UNC13C: variants seen among roughly 807,000 people sequenced by gnomAD.
UNC13C encodes the protein unc-13 homolog C.
In UNC13C, 174 loss-of-function variants were observed where a neutral mutation model predicts 245.4. That is an observed-to-expected ratio of 0.71 (90% CI 0.63 to 0.80). UNC13C has a LOEUF of 0.80. Ranked by LOEUF, UNC13C falls within the 30% of genes least tolerant of loss-of-function variation. The pLI, the probability that UNC13C is intolerant of heterozygous loss-of-function variation, is 0.00. For synonymous variants in UNC13C, 992 were observed against 895.1 expected (o/e 1.11, Z -1.93); for missense variants, 2,829 against 2,602.9 (o/e 1.09, Z -1.89).
chr15:54,264,170 G>T lies in UNC13C; in HGVS notation c.3451G>T (p.Ala1151Ser). ...CACCATTGATGTTTCCATCATAGGA[G>T]CAGCAGAAAAGAGTTCTAAACATGG... is the stretch of plus-strand genomic sequence containing the variant. ...DLLNADCLQR[A>S]AEKSSKHGAE... The change falls in exon 9 of 33, where the codon GCA (alanine) becomes TCA (serine). Residue 1151 changes from alanine (A) to serine (S), a missense_variant and splice_region_variant. Ala to Ser is a moderately conservative substitution (Grantham distance 99). Coordinates refer to ENST00000260323, the MANE Select transcript of UNC13C (RefSeq NM_001080534.3). 1 of 1,570,736 alleles carries T rather than the reference G, an allele frequency of 6.4e-7. No homozygotes were observed. The highest frequency in any genetic ancestry group is 1.9e-5 in the Admixed American group (1 of 53,368).
chr15:54,250,286 C>T lies in UNC13C; in HGVS notation c.3290C>T (p.Pro1097Leu). The change falls in exon 8 of 33, where the codon CCA becomes CTA. Residue 1097 changes from proline to leucine, a missense_variant. Coordinates refer to ENST00000260323, the MANE Select transcript of UNC13C (RefSeq NM_001080534.3). ...ATCTACCCTATGTCTTCTACCATCC[C>T]ACACAATTTTGAGGTCTGGACGGCT... ...ALIYPMSSTI[P>L]HNFEVWTATT... 1 of 1,613,928 alleles carries T rather than the reference C, an allele frequency of 6.2e-7. No homozygotes were observed.
chr15:54,041,667 C>T (rs1420432217), intron 2 of UNC13C, among the ~76,000 whole-genome samples: 2 of 152,172 alleles, frequency 1.3e-5, no homozygotes, highest in African/African-American at 4.8e-5. Context: ...GGCCAAGTTG[C>T]TTATCTTTTC....
At chr15:54,100,275 T>G (rs1448426892) in intron 2 of UNC13C, among the ~76,000 whole-genome samples, 2 of 152,150 alleles carry the variant, frequency 1.3e-5, no homozygotes, top group Admixed American at 6.5e-5. Context: ...CACCTATACC[T>G]TGGAATGCTT....
In UNC13C at chr15:54,540,820, G is replaced by C. The variant is rs1024885042; in HGVS notation, c.5697-5902G>C. Among the ~76,000 whole-genome samples, 8 of 152,170 alleles carry C rather than the reference G, an allele frequency of 5.3e-5. No individual in the cohort carries two copies. The East Asian group carries it at 1.5e-3, about 29-fold the overall frequency. Reference sequence around the variant, plus strand: ...TTTAGTTCCGGTCTAAGCAGGGTTAGTCAGCATGCCAAGTATGTGAGCTGA... The same window carrying C: ...TTTAGTTCCGGTCTAAGCAGGGTTACTCAGCATGCCAAGTATGTGAGCTGA... On this transcript the variant is annotated intron_variant, in intron 26 of 32. Coordinates refer to ENST00000260323, the MANE Select transcript of UNC13C (RefSeq NM_001080534.3).
At chr15:53,899,956 C>T in the UNC13C span, among the ~76,000 whole-genome samples, 1 of 152,272 alleles carries the variant, frequency 6.6e-6, no homozygotes, top group Middle Eastern at 3.4e-3. Flanking sequence ...ATAACTACCC[C>T]ACCCTAGAGA....
chr15:54,174,983 A>G (rs1271572180), intron 4 of UNC13C, among the ~76,000 whole-genome samples: 1 of 152,142 alleles, frequency 6.6e-6, no homozygotes, highest in Admixed American at 6.6e-5. Context: ...GCTCAAGCCT[A>G]TTGACCCCAC....
intron 17 of UNC13C, among the ~76,000 whole-genome samples, chr15:54,359,732 G>A (rs1457899981): frequency 6.6e-6 from 1 of 151,632 alleles, no homozygotes; most frequent in Non-Finnish European, 1.5e-5. Flanking sequence ...GCTTATTTGA[G>A]TCTTCTCTCT....
chr15:53,986,313 G>C (rs1894139751), intron 1 of UNC13C, among the ~76,000 whole-genome samples: 1 of 152,018 alleles, frequency 6.6e-6, no homozygotes, highest in Admixed American at 6.6e-5. Flanking sequence ...AATCTATTGA[G>C]ATAAAATTTG....
At chr15:53,960,427 A>G in the UNC13C span, among the ~76,000 whole-genome samples, 2 of 151,200 alleles carry the variant, frequency 1.3e-5, no homozygotes, top group Non-Finnish European at 2.9e-5. Flanking sequence ...ACTCTTTTGT[A>G]TTCTTTGTCT....
At chr15:54,318,777 T>C (rs931884058) in intron 13 of UNC13C, among the ~76,000 whole-genome samples, 3 of 151,966 alleles carry the variant, frequency 2.0e-5, no homozygotes, top group Non-Finnish European at 2.9e-5. Context: ...CTTGTTTATC[T>C]GGTTTTGCTT....
chr15:54,475,418 T>G (rs1232428400), intron 19 of UNC13C, among the ~76,000 whole-genome samples: 4 of 151,766 alleles, frequency 2.6e-5, no homozygotes, highest in Non-Finnish European at 5.9e-5. Context: ...TAACTCGTCA[T>G]TTAGCATTAG....
chr15:54,259,030 C>A (rs2036353397), intron 8 of UNC13C, among the ~76,000 whole-genome samples: 1 of 152,234 alleles, frequency 6.6e-6, no homozygotes, highest in Non-Finnish European at 1.5e-5. Context: ...TTCCAGGTTG[C>A]AGACTACTGA....
chr15:54,010,259 A>G (rs1356687581), intron 1 of UNC13C, among the ~76,000 whole-genome samples: 3 of 152,220 alleles, frequency 2.0e-5, no homozygotes, highest in Non-Finnish European at 2.9e-5. Flanking sequence ...GTTAAATAGA[A>G]TATGGCTCCT....
At chr15:54,504,479 A>G (rs663929) in intron 22 of UNC13C, among the ~76,000 whole-genome samples, 62,952 of 152,080 alleles carry the variant, frequency 0.41, 13,431 homozygotes, top group African/African-American at 0.51. Flanking sequence ...GAAATGATAT[A>G]GATAGAATCA....
At chr15:54,571,098 G>A (rs1313421294) in intron 30 of UNC13C, among the ~76,000 whole-genome samples, 2 of 152,136 alleles carry the variant, frequency 1.3e-5, no homozygotes, top group Non-Finnish European at 2.9e-5. Context: ...TATTCTGGTG[G>A]CATGGTGTCA....
At chr15:54,314,107 G>A (rs890381454) in intron 13 of UNC13C, among the ~76,000 whole-genome samples, 6 of 151,546 alleles carry the variant, frequency 4.0e-5, no homozygotes, top group Non-Finnish European at 8.9e-5. Flanking sequence ...GGAATTCACG[G>A]AAATAAAGAG....
At chr15:54,104,109 C>A (rs1900311609) in intron 2 of UNC13C, among the ~76,000 whole-genome samples, 1 of 152,240 alleles carries the variant, frequency 6.6e-6, no homozygotes, top group African/African-American at 2.4e-5. Flanking sequence ...GGGCCTCTCG[C>A]CTCAGCGAGC....
chr15:54,032,170 G>A (rs182646770), intron 2 of UNC13C, among the ~76,000 whole-genome samples: 196 of 152,302 alleles, frequency 1.3e-3, no homozygotes, highest in Middle Eastern at 0.01. Flanking sequence ...AGTTGCAAAT[G>A]TACTCATTTA....
intron 19 of UNC13C, among the ~76,000 whole-genome samples, chr15:54,428,680 C>A (rs72734797): frequency 0.05 from 7,551 of 151,492 alleles, 305 homozygotes; most frequent in African/African-American, 0.12. Context: ...GTACCTAACA[C>A]GTGTTGCATG....
Sources: gnomAD v4.1 joint callset for allele counts (sites outside exome capture counted in the v4.1 genomes callset) on GRCh38, gnomAD v4.1.1 for gene constraint, MANE v1.5 for transcripts, NCBI Gene and HGNC (gene_info 2026-07-23, HGNC 2026-07-21) for gene names.